DZIP1L: variants seen among roughly 807,000 people sequenced by gnomAD.
DZIP1L encodes the protein DAZ interacting zinc finger protein 1 like, also known as cilium assembly protein DZIP1L.
In DZIP1L, 90 loss-of-function variants were observed where a neutral mutation model predicts 88.7. That is an observed-to-expected ratio of 1.02 (90% CI 0.86 to 1.21). The LOEUF is 1.21. Ranked by LOEUF, DZIP1L falls within the 50% of genes most tolerant of loss-of-function variation. The pLI is 0.00. For missense variants in DZIP1L, 932 were observed against 955.8 expected, an observed-to-expected ratio of 0.98 and a Z score of 0.33; for synonymous variants, 363 against 372.1, an observed-to-expected ratio of 0.98 and a Z score of 0.28.
In DZIP1L at chr3:138,067,659, C is replaced by T. The variant is rs377337730; in HGVS notation, c.1874G>A (p.Arg625His). 478 of 1,607,460 alleles carry T rather than the reference C, an allele frequency of 3.0e-4. No individual in the cohort carries two copies. The highest frequency in any genetic ancestry group is 1.1e-3 in the Admixed American group (62 of 58,996). ...FSSEEDSEGD[R>H]VQRVSLQPPK... ...GGGCTGTAGAGACACACGCTGCACA[C>T]GGTCTCCCTCTGAGTCCTCTTCAGA... The change falls in exon 14 of 16, where the codon CGT (arginine) becomes CAT (histidine). Residue 625 changes from arginine (R) to histidine (H), a missense_variant. Coordinates refer to ENST00000327532, the MANE Select transcript of DZIP1L (RefSeq NM_173543.3).
chr3:138,099,859 G>A (rs950786193), intron 2 of DZIP1L, among the ~76,000 whole-genome samples: 1 of 152,190 alleles, frequency 6.6e-6, no homozygotes. Flanking sequence ...CCAGCCAGCA[G>A]AACTGTGAGT....
intron 9 of DZIP1L, among the ~76,000 whole-genome samples, chr3:138,081,256 C>T (rs1362725412): frequency 6.6e-6 from 1 of 152,154 alleles, no homozygotes; most frequent in Non-Finnish European, 1.5e-5. Flanking sequence ...ATGCCAGCAC[C>T]TGCACCCCAT....
intron 1 of DZIP1L, chr3:138,112,582 C>T (rs1258364249): frequency 6.6e-6 from 1 of 152,194 alleles, no homozygotes; most frequent in Non-Finnish European, 1.5e-5. Flanking sequence ...GCAAGGACAT[C>T]GTGCTTTTTT....
intron 10 of DZIP1L, 113 bp downstream of exon 10, chr3:138,080,454 T>A: frequency 8.5e-7 from 1 of 1,178,772 alleles, no homozygotes; most frequent in Admixed American, 1.9e-5. Flanking sequence ...CTTAGATCCC[T>A]CCACTCCAGC....
chr3:138,076,888 TC>T (rs1418760772), intron 11 of DZIP1L, among the ~76,000 whole-genome samples: 2 of 151,886 alleles, frequency 1.3e-5, no homozygotes, highest in Admixed American at 1.3e-4. Flanking sequence ...CACCACCTGT[TC>T]CCCAAAAACC....
chr3:138,086,988 A>G lies in DZIP1L; in HGVS notation c.1035T>C (p.His345=). Residue 345 remains histidine, a synonymous_variant, in exon 7 of 16, where the codon CAT becomes CAC. Transcript: ENST00000327532. The stretch of plus-strand genomic sequence containing the variant: ...CTTTCTTCTCAGCCATGTGCTCTTC[A>G]TGCAGTTCCTTCACTTTTCTTTTCC... The part of the protein sequence containing the change: ...TEWKRKVKEL[H]EEHMAEKKEL... 1 of 1,614,174 alleles carries G rather than the reference A, an allele frequency of 6.2e-7. No homozygotes were observed. The highest frequency in any genetic ancestry group is 8.5e-7 in the Non-Finnish European group (1 of 1,180,016).
At chr3:138,107,374 C>T (rs1056879644) in intron 1 of DZIP1L, among the ~76,000 whole-genome samples, 1 of 152,188 alleles carries the variant, frequency 6.6e-6, no homozygotes, top group Admixed American at 6.5e-5. Flanking sequence ...CTTTCTTGAC[C>T]TTCCACTCTC....
In DZIP1L at chr3:138,115,124, G is replaced by T. The variant is rs555812549; in HGVS notation, c.-82+204C>A. Among the ~76,000 whole-genome samples the T allele has an allele frequency of 1.1e-3, 167 of 152,164 alleles. 1 individual carries two copies. Among genetic ancestry groups the T allele is most frequent in the African/African-American group, 4.0e-3 (165 of 41,540 alleles). The stretch of plus-strand genomic sequence containing the variant: ...GCCGAGGGGGCCGGGCTGCAGGGCC[G>T]CGCCGGGCCAGAAGGGCGCGCCCTG... On this transcript the variant is annotated intron_variant, in intron 1 of 15. Transcript: ENST00000327532.
At chr3:138,079,575 A>G (rs562879462) in intron 10 of DZIP1L, among the ~76,000 whole-genome samples, 2 of 152,346 alleles carry the variant, frequency 1.3e-5, no homozygotes, top group East Asian at 1.9e-4. Flanking sequence ...GGGTACACAC[A>G]TGTGCTTATA....
At chr3:138,101,445 G>A (rs2042308783) in intron 2 of DZIP1L, 3 of 729,422 alleles carry the variant, frequency 4.1e-6, no homozygotes, top group Admixed American at 3.7e-5. Context: ...GCAGCCGCAG[G>A]AGGGGCAGGC....
At chr3:138,094,749 TC>T in intron 4 of DZIP1L, 112 bp downstream of exon 4, 1 of 1,502,856 alleles carries the variant, frequency 6.7e-7, no homozygotes, top group South Asian at 1.3e-5. Flanking sequence ...CAGCTCTGAC[TC>T]CCAGCTCTGG....
intron 15 of DZIP1L, among the ~76,000 whole-genome samples, chr3:138,064,173 TTACC>T (rs1261560906): frequency 6.6e-6 from 1 of 152,184 alleles, no homozygotes; most frequent in East Asian, 1.9e-4. Context: ...TCTTGTGCTG[TTACC>T]TACTCTGATG....
chr3:138,067,644 G>C lies in DZIP1L; in HGVS notation c.1889C>G (p.Ser630Cys). 1 of 1,610,222 alleles carries C rather than the reference G, an allele frequency of 6.2e-7. No individual in the cohort carries two copies. The highest frequency in any genetic ancestry group is 8.5e-7 in the Non-Finnish European group (1 of 1,178,190). ...DSEGDRVQRVSLQPPKVPSRM... is the reference protein window; with the variant it reads ...DSEGDRVQRVCLQPPKVPSRM... ...GGAAGGAACTTTTGGGGGCTGTAGA[G>C]ACACACGCTGCACACGGTCTCCCTC... is the stretch of plus-strand genomic sequence containing the variant. The change falls in exon 14 of 16, where the codon TCT (serine) becomes TGT (cysteine). Residue 630 changes from serine (S) to cysteine (C), a missense_variant. Coordinates refer to ENST00000327532, the MANE Select transcript of DZIP1L (RefSeq NM_173543.3).
At chr3:138,103,353 G>C (rs1397151610) in intron 2 of DZIP1L, 118 bp downstream of exon 2, 14 of 1,190,262 alleles carry the variant, frequency 1.2e-5, no homozygotes, top group Admixed American at 2.3e-5. Flanking sequence ...CTCCTAACCA[G>C]TGAGAACAGC....
intron 1 of DZIP1L, chr3:138,108,332 G>T: frequency 1.7e-6 from 1 of 571,454 alleles, no homozygotes; most frequent in Non-Finnish European, 2.2e-6. Flanking sequence ...TGATGTCCCA[G>T]CTCTCAGGTG....
chr3:138,092,569 T>C, intron 4 of DZIP1L, 25 bp from the exon 5 acceptor site: 2 of 1,545,870 alleles, frequency 1.3e-6, no homozygotes, highest in South Asian at 1.3e-5. Context: ...AAGAACAATA[T>C]GATGATTAAT....
chr3:138,089,298 C>G (rs1944095341), intron 5 of DZIP1L: 1 of 984,370 alleles, frequency 1.0e-6, no homozygotes, highest in Non-Finnish European at 1.2e-6. Flanking sequence ...AATGCTTGAT[C>G]AGATGTATGC....
rs1434335240 is a variant in DZIP1L, at chr3:138,068,246, G to A, written c.1737C>T (p.Ser579=). The A allele has an allele frequency of 3.1e-6, 5 of 1,595,016 alleles. No individual in the cohort carries two copies. The highest frequency in any genetic ancestry group is 1.3e-5 in the African/African-American group (1 of 74,240). The change falls in exon 13 of 16, where the codon AGC becomes AGT. Residue 579 remains serine (S), a synonymous_variant. Coordinates refer to ENST00000327532, the MANE Select transcript of DZIP1L (RefSeq NM_173543.3). ...ACACCTGGGTCAGGCTGGAGCCATG[G>A]CTGCCATGGCTCTGACGAGTTGGTG... ...PPPPTRQSHG[S]HGSSLTQVSA... is the part of the protein sequence containing the mutation.
intron 5 of DZIP1L, among the ~76,000 whole-genome samples, chr3:138,092,165 T>TAACC (rs1944264837): frequency 0.013 from 1 of 78 alleles, no homozygotes; most frequent in African/African-American, 0.022. Context: ...ATGAGGAGGT[T>TAACC]AACTCATTCA....
Sources: allele counts gnomAD v4.1 joint callset (sites outside exome capture counted in the v4.1 genomes callset), GRCh38; gene constraint gnomAD v4.1.1; transcripts MANE v1.5; gene names NCBI Gene and HGNC (gene_info 2026-07-23, HGNC 2026-07-21).